LRRC4C: variants seen among roughly 807,000 people sequenced by gnomAD.
LRRC4C encodes the protein leucine rich repeat containing 4C.
A neutral mutation model predicts 33.6 loss-of-function variants in LRRC4C; 5 were observed. The observed-to-expected ratio is 0.15, with a 90% CI of 0.08 to 0.31. The LOEUF is 0.31. Ranked by LOEUF, LRRC4C falls within the 10% of genes least tolerant of loss-of-function variation. The pLI is 1.00. For missense variants in LRRC4C, 560 were observed against 796.7 expected (o/e 0.70, Z 3.58); for synonymous variants, 329 against 302.0 (o/e 1.09, Z -0.93).
At chr11:41,268,364 G>T (rs1591111245) in intron 1 of LRRC4C, among the ~76,000 whole-genome samples, 1 of 152,032 alleles carries the variant, frequency 6.6e-6, no homozygotes, top group Admixed American at 6.6e-5. Context: ...AAGCTGTTGT[G>T]TGCTTTACTG....
Position 40,578,140 on chromosome 11 carries a change from G to GTTTTTTTTTTTTTTTTTT in LRRC4C, c.-270+70001_-270+70002insAAAAAAAAAAAAAAAAAA. On this transcript the variant is annotated intron_variant, in intron 3 of 6. Coordinates refer to ENST00000528697, the MANE Select transcript of LRRC4C (RefSeq NM_001258419.2). ...TGATATTATTGGACTTTTTTTTTTCGGTTTTTTTTTTTTTTTTTTTTTTTT... is the reference window on the plus strand; with the variant it reads ...TGATATTATTGGACTTTTTTTTTTCGTTTTTTTTTTTTTTTTTTGTTTTTTTTTTTTTTTTTTTTTTTT... 3.2e-3 allele frequency among the ~76,000 whole-genome samples: 130 copies of GTTTTTTTTTTTTTTTTTT among 40,570 alleles called. 61 individuals are homozygous for GTTTTTTTTTTTTTTTTTT. Among genetic ancestry groups the GTTTTTTTTTTTTTTTTTT allele is most frequent in the African/African-American group, 5.5e-3 (39 of 7,096 alleles). 26.6% of individuals were successfully genotyped at this position (40,570 alleles called of 152,430 possible). A position where few individuals can be genotyped will look rare whatever the true frequency, so the allele number is the denominator to read the frequency against.
chr11:40,495,841 TTTTTTTTTG>T (rs1954421404), intron 3 of LRRC4C, among the ~76,000 whole-genome samples: 1 of 89,310 alleles, frequency 1.1e-5, no homozygotes, highest in Non-Finnish European at 2.3e-5. Flanking sequence ...TTTTTTTTTT[TTTTTTTTTG>T]AGAGAGTCTC....
At chr11:40,803,699 T>C (rs1951134600) in intron 2 of LRRC4C, among the ~76,000 whole-genome samples, 1 of 152,152 alleles carries the variant, frequency 6.6e-6, no homozygotes, top group Non-Finnish European at 1.5e-5. Flanking sequence ...GGTCTCGATC[T>C]CCTGACCTCG....
intron 3 of LRRC4C, among the ~76,000 whole-genome samples, chr11:40,403,527 A>G (rs1421580659): frequency 2.0e-5 from 3 of 152,136 alleles, no homozygotes; most frequent in African/African-American, 7.2e-5. Flanking sequence ...ACTAATTTCT[A>G]TAAACAAACA....
intron 3 of LRRC4C, among the ~76,000 whole-genome samples, chr11:40,639,928 T>G (rs1198971796): frequency 2.8e-5 from 4 of 140,470 alleles, no homozygotes; most frequent in African/African-American, 1.2e-4. Context: ...TCACATAGAC[T>G]GATTTTTTTT....
At chr11:40,232,878 T>G (rs1368121990) in intron 5 of LRRC4C, among the ~76,000 whole-genome samples, 2 of 152,204 alleles carry the variant, frequency 1.3e-5, no homozygotes, top group Non-Finnish European at 2.9e-5. Context: ...GATTCTTTCC[T>G]ACTTCCAAGC....
chr11:41,066,751 G>A (rs1176754961), intron 1 of LRRC4C, among the ~76,000 whole-genome samples: 1 of 152,132 alleles, frequency 6.6e-6, no homozygotes, highest in Admixed American at 6.5e-5. Flanking sequence ...GAGAGTGGGG[G>A]CCAATATTCA....
intron 2 of LRRC4C, among the ~76,000 whole-genome samples, chr11:40,753,153 G>C (rs1046700713): frequency 6.6e-6 from 1 of 151,828 alleles, no homozygotes; most frequent in Non-Finnish European, 1.5e-5. Context: ...AGGATGGGAG[G>C]GGGAAATGGA....
At chr11:40,784,955 T>C (rs1950352754) in intron 2 of LRRC4C, among the ~76,000 whole-genome samples, 1 of 152,094 alleles carries the variant, frequency 6.6e-6, no homozygotes, top group Non-Finnish European at 1.5e-5. Context: ...GTTTGGGACT[T>C]TTTCAAAAGG....
At position 41,248,290 on chromosome 11, in the gene LRRC4C, C is replaced by T. The variant is rs377543045; in HGVS notation, c.-496+211141G>A. Among the ~76,000 whole-genome samples the T allele has an allele frequency of 7.9e-5, 12 of 152,228 alleles. No individual in the cohort carries two copies. In the East Asian group the frequency reaches 9.7e-4, roughly 12 times the overall value. ...CTGTCTATACTAAGAGTTTATATGA[C>T]CTTTCTCCTCTCTATTCTCCTGGAC... On this transcript the variant is annotated intron_variant, in intron 1 of 6. Coordinates refer to ENST00000528697, the MANE Select transcript of LRRC4C (RefSeq NM_001258419.2).
chr11:40,162,592 A>G (rs1332571538), intron 5 of LRRC4C, among the ~76,000 whole-genome samples: 1 of 152,198 alleles, frequency 6.6e-6, no homozygotes, highest in Admixed American at 6.5e-5. Flanking sequence ...GGTAAGGTAC[A>G]TAAAGAAATC....
chr11:40,243,294 A>G (rs1319816695), intron 4 of LRRC4C, among the ~76,000 whole-genome samples: 1 of 152,170 alleles, frequency 6.6e-6, no homozygotes, highest in Non-Finnish European at 1.5e-5. Context: ...TTGAAAGAAC[A>G]TCTTGGGCCC....
chr11:41,018,367 G>T (rs1293604544), intron 1 of LRRC4C, among the ~76,000 whole-genome samples: 1 of 152,164 alleles, frequency 6.6e-6, no homozygotes, highest in Non-Finnish European at 1.5e-5. Flanking sequence ...AGCTACAGAA[G>T]TGTAGATTTC....
At chr11:40,302,078 G>C (rs1163842681) in intron 4 of LRRC4C, among the ~76,000 whole-genome samples, 2 of 152,106 alleles carry the variant, frequency 1.3e-5, no homozygotes, top group African/African-American at 4.8e-5. Flanking sequence ...ATCAAAAACT[G>C]TGTTAGTTTT....
At chr11:41,435,907 T>C in intron 1 of LRRC4C, among the ~76,000 whole-genome samples, 1 of 152,164 alleles carries the variant, frequency 6.6e-6, no homozygotes, top group East Asian at 1.9e-4. Flanking sequence ...AAAAGGAAAA[T>C]AGCCTAAACA....
intron 3 of LRRC4C, among the ~76,000 whole-genome samples, chr11:40,407,401 T>G (rs1366583565): frequency 6.6e-6 from 1 of 152,032 alleles, no homozygotes; most frequent in Non-Finnish European, 1.5e-5. Context: ...TTGATTTAGG[T>G]TGGTGTTCGT....
At position 41,280,111 on chromosome 11, in the gene LRRC4C, G is replaced by T. The variant is rs1949615439; in HGVS notation, c.-496+179320C>A. Among the ~76,000 whole-genome samples, 7 of 152,178 alleles carry T rather than the reference G, an allele frequency of 4.6e-5. No individual in the cohort carries two copies. In the South Asian group the frequency reaches 1.5e-3, roughly 32 times the overall value. On this transcript the variant is annotated intron_variant, in intron 1 of 6. Transcript: ENST00000528697. ...TGTAAGCTCTGGAAAAGCAAGAATT[G>T]TCTTTACTTCAATGCCTAGTATGTT... is the stretch of plus-strand genomic sequence containing the variant.
intron 1 of LRRC4C, among the ~76,000 whole-genome samples, chr11:41,340,249 T>C (rs1467653998): frequency 1.3e-5 from 2 of 152,202 alleles, no homozygotes; most frequent in African/African-American, 4.8e-5. Context: ...GTGGTTTTTC[T>C]TTTAAAAAAT....
intron 3 of LRRC4C, among the ~76,000 whole-genome samples, chr11:40,463,001 C>G (rs1952474662): frequency 2.6e-5 from 4 of 152,076 alleles, no homozygotes; most frequent in African/African-American, 9.6e-5. Context: ...GTGTCTCATA[C>G]GGTAGTCACC....
Sources: gnomAD v4.1 joint callset for allele counts (sites outside exome capture counted in the v4.1 genomes callset) on GRCh38, gnomAD v4.1.1 for gene constraint, MANE v1.5 for transcripts, NCBI Gene and HGNC (gene_info 2026-07-23, HGNC 2026-07-21) for gene names.